The following CUBN variants were observed in gnomAD, a reference collection of about 807,000 sequenced individuals.
CUBN encodes cubilin.
A neutral mutation model predicts 405.3 loss-of-function variants in CUBN; 282 were observed. That is an observed-to-expected ratio of 0.70 (90% CI 0.63 to 0.77). The LOEUF (loss-of-function observed/expected upper bound fraction) is 0.77. Among genes scored for constraint, CUBN ranks in the 30% least tolerant of loss-of-function variants. The probability of loss-of-function intolerance (pLI) is 0.00; values close to 1 mark genes in which losing one functional copy is unlikely to be tolerated. For synonymous variants in CUBN, 1,684 were observed against 1,617.0 expected (o/e 1.04, Z -0.99); for missense variants, 4,514 against 4,475.2 (o/e 1.01, Z -0.25).
Position 16,937,607 on chromosome 10 carries a change from G to C in CUBN, c.5911C>G (p.Pro1971Ala), listed in dbSNP as rs2356590. The change falls in exon 39 of 67, where the codon CCT becomes GCT. Residue 1971 changes from proline to alanine, a missense_variant. This residue lies in a region of CUBN where 1,613 missense variants were observed against 1,542.8 expected (regional missense o/e 1.05). Transcript: ENST00000377833. ...CCAAACACACCTGGAGCAATGGTAG[G>C]TAAAACACCATCAGGTGCATCCACT... is the stretch of plus-strand genomic sequence containing the variant. Reference protein sequence around the residue: ...FAVDAPDGVLPTIAPGACGGF... With the variant: ...FAVDAPDGVLATIAPGACGGF... The C allele has an allele frequency of 8.1e-6, 13 of 1,613,674 alleles. No homozygotes were observed. Among genetic ancestry groups the C allele is most frequent in the African/African-American group, 1.3e-5 (1 of 74,880 alleles).
At chr10:16,938,373 A>T (rs956236598) in intron 38 of CUBN, among the ~76,000 whole-genome samples, 2 of 152,178 alleles carry the variant, frequency 1.3e-5, no homozygotes, top group African/African-American at 4.8e-5. Flanking sequence ...ATAATTTTTA[A>T]ATAGCTCAGG....
chr10:16,903,679 TTAAA>T (rs1352089023), intron 51 of CUBN, among the ~76,000 whole-genome samples: 1 of 147,784 alleles, frequency 6.8e-6, no homozygotes, highest in Non-Finnish European at 1.5e-5. Flanking sequence ...TTATTAATTA[TTAAA>T]TAATTATTGG....
chr10:16,875,700 C>G (rs909344894), intron 57 of CUBN, among the ~76,000 whole-genome samples: 2 of 152,156 alleles, frequency 1.3e-5, no homozygotes, highest in African/African-American at 4.8e-5. Context: ...TAAATAACTC[C>G]CATCTTTGCA....
chr10:17,107,893 C>A (rs1164763708), intron 10 of CUBN, among the ~76,000 whole-genome samples: 2 of 151,994 alleles, frequency 1.3e-5, no homozygotes. Context: ...AAATAATTGC[C>A]TAGAAATGCA....
Position 16,954,503 on chromosome 10 carries a change from A to G in CUBN, c.4741T>C (p.Cys1581Arg). The change falls in exon 32 of 67, where the codon TGT becomes CGT. Residue 1581 changes from cysteine to arginine, a missense_variant. This residue lies in a region of CUBN where 1,613 missense variants were observed against 1,542.8 expected (regional missense o/e 1.05). Transcript: ENST00000377833. ...SSTMSRLART[C>R]GREQLANPIV... Reference sequence around the variant, plus strand: ...GGGTTAGCCAGCTGCTCCCTTCCACACGTCCTGGCAAGGCGGGACATTGTG... The same window carrying G: ...GGGTTAGCCAGCTGCTCCCTTCCACGCGTCCTGGCAAGGCGGGACATTGTG... 1 of 1,613,958 alleles carries G rather than the reference A, an allele frequency of 6.2e-7. No individual in the cohort carries two copies. Among genetic ancestry groups the G allele is most frequent in the Non-Finnish European group, 8.5e-7 (1 of 1,180,010 alleles).
intron 21 of CUBN, among the ~76,000 whole-genome samples, chr10:17,066,977 T>G (rs748860934): frequency 3.3e-5 from 5 of 151,734 alleles, no homozygotes; most frequent in Non-Finnish European, 7.4e-5. Flanking sequence ...AACAAATGAG[T>G]TTAAAGGCAA....
At chr10:16,826,276 A>T (rs1304952380) in intron 66 of CUBN, among the ~76,000 whole-genome samples, 1 of 143,188 alleles carries the variant, frequency 7.0e-6, no homozygotes, top group Non-Finnish European at 1.5e-5. Context: ...ATGTATATAA[A>T]TATTACAAGT....
At chr10:17,124,438 C>CT (rs1277745851) in intron 4 of CUBN, among the ~76,000 whole-genome samples, 4 of 140,922 alleles carry the variant, frequency 2.8e-5, no homozygotes, top group Non-Finnish European at 4.7e-5. Context: ...ATTTTTTTTT[C>CT]TTTTTTTTGA....
intron 31 of CUBN, 27 bp downstream of exon 31, chr10:16,982,457 A>G: frequency 6.3e-7 from 1 of 1,597,478 alleles, no homozygotes; most frequent in Non-Finnish European, 8.6e-7. Flanking sequence ...TTGACTGGAG[A>G]CAATGCTTGA....
intron 36 of CUBN, among the ~76,000 whole-genome samples, chr10:16,941,699 A>G (rs1474157695): frequency 1.3e-5 from 2 of 151,798 alleles, no homozygotes; most frequent in Non-Finnish European, 2.9e-5. Context: ...AAATGTAGCT[A>G]TGTGTGGTGG....
At position 16,888,451 on chromosome 10, in the gene CUBN, C is replaced by T; in HGVS notation, c.8871G>A (p.Val2957=). 1.2e-6 allele frequency: 2 copies of T among 1,613,378 alleles called. No individual in the cohort carries two copies. Among genetic ancestry groups the T allele is most frequent in the Non-Finnish European group, 1.7e-6 (2 of 1,179,476 alleles). The part of the protein sequence containing the change: ...TYVIEANPLS[V]VLLTFVSFHL... ...GGAAGGACACAAAAGTCAAGAGGACCACTGACAGAGGATTAGCCTCTATGA... is the reference window on the plus strand; with the variant it reads ...GGAAGGACACAAAAGTCAAGAGGACTACTGACAGAGGATTAGCCTCTATGA... The change falls in exon 56 of 67, where the codon GTG becomes GTA. Residue 2957 remains valine, a synonymous_variant. Transcript: ENST00000377833.
Position 16,840,336 on chromosome 10 carries a change from T to C in CUBN, c.10026A>G (p.Ser3342=), listed in dbSNP as rs1277470334. The C allele has an allele frequency of 1.2e-5, 20 of 1,614,000 alleles. No homozygotes were observed. The highest frequency in any genetic ancestry group is 1.6e-5 in the Non-Finnish European group (19 of 1,179,840). The change falls in exon 62 of 67, where the codon TCA becomes TCG. Residue 3342 remains serine (S), a synonymous_variant. Coordinates refer to ENST00000377833, the MANE Select transcript of CUBN (RefSeq NM_001081.4). ...TTCATCTTATAATTGTTACCTGCGG[T>C]GAGTCCTGAAGCTGTAAGTAATTCT... ...CTQNYLQLQD[S]PQGHGNSRFQ... is the part of the protein sequence containing the mutation.
rs376536525 is a variant in CUBN, at chr10:16,937,722, T to C, written c.5796A>G (p.Glu1932=). 7.2e-5 allele frequency: 117 copies of C among 1,613,954 alleles called. No homozygotes were observed. The highest frequency in any genetic ancestry group is 4.7e-4 in the Admixed American group (28 of 59,994). The change falls in exon 39 of 67, where the codon GAA becomes GAG. Residue 1932 remains glutamate, a synonymous_variant. Transcript: ENST00000377833. ...AAGAATTTCCAGTGGAGCTGAAAGA[T>C]TCAGTCTGGGTACCACAGTAAGCTC... is the stretch of plus-strand genomic sequence containing the variant. ...LIGAYCGTQT[E]SFSSTGNSLT... is the part of the protein sequence containing the mutation.
intron 27 of CUBN, among the ~76,000 whole-genome samples, chr10:17,026,692 T>C (rs1429285252): frequency 6.6e-6 from 1 of 152,054 alleles, no homozygotes; most frequent in African/African-American, 2.4e-5. Context: ...GCTTCCATTG[T>C]GGATAAGCAA....
intron 29 of CUBN, among the ~76,000 whole-genome samples, chr10:16,987,126 T>C (rs45544332): frequency 0.025 from 3,758 of 152,320 alleles, 71 homozygotes; most frequent in Middle Eastern, 0.099. Flanking sequence ...TGGATTTCCT[T>C]TTCTGCCTAA....
chr10:16,949,471 T>C (rs1022216249), intron 34 of CUBN, among the ~76,000 whole-genome samples: 40 of 147,606 alleles, frequency 2.7e-4, no homozygotes, highest in South Asian at 1.1e-3. Flanking sequence ...GTGTAGTGTG[T>C]GTGTGTTTGT....
At chr10:16,892,004 C>T (rs769790948) in intron 54 of CUBN, among the ~76,000 whole-genome samples, 19 of 152,136 alleles carry the variant, frequency 1.2e-4, no homozygotes, top group Non-Finnish European at 2.4e-4. Flanking sequence ...TGGAATGATA[C>T]CAAATTACTC....
chr10:17,006,461 G>A (rs915195882), intron 28 of CUBN, among the ~76,000 whole-genome samples: 2 of 152,110 alleles, frequency 1.3e-5, no homozygotes, highest in African/African-American at 4.8e-5. Flanking sequence ...TTTAAAGGGT[G>A]AACCTCCCAG....
intron 9 of CUBN, among the ~76,000 whole-genome samples, chr10:17,110,416 G>T (rs544840368): frequency 2.6e-4 from 40 of 152,292 alleles, no homozygotes; most frequent in African/African-American, 8.9e-4. Context: ...GTTTTCTACT[G>T]ATATTCAAAA....
Sources: gnomAD v4.1 joint callset for allele counts (sites outside exome capture counted in the v4.1 genomes callset) on GRCh38, gnomAD v4.1.1 for gene constraint, gnomAD v4.1.1 regional missense constraint, MANE v1.5 for transcripts, NCBI Gene and HGNC (gene_info 2026-07-23, HGNC 2026-07-21) for gene names.